The following TLK2 variants were observed in gnomAD, a reference collection of about 807,000 sequenced individuals.
TLK2 encodes the protein serine/threonine-protein kinase tousled-like 2.
In TLK2, 6 loss-of-function variants were observed where a neutral mutation model predicts 117.3. The ratio of observed to expected loss-of-function variants is 0.05; its 90% CI spans 0.03 to 0.10. The LOEUF (loss-of-function observed/expected upper bound fraction) is 0.10. Ranked by LOEUF, TLK2 falls within the 10% of genes least tolerant of loss-of-function variation. The pLI is 1.00. For synonymous variants in TLK2, 257 were observed against 316.7 expected (o/e 0.81, Z 2.00); for missense variants, 299 against 901.2 (o/e 0.33, Z 8.56).
At chr17:62,542,269 A>C (rs138185515) in intron 7 of TLK2, among the ~76,000 whole-genome samples, 3 of 152,176 alleles carry the variant, frequency 2.0e-5, no homozygotes, top group Admixed American at 2.0e-4. Context: ...ATGTCAAATA[A>C]TGTGTTCCTT....
At chr17:62,493,814 A>G (rs184507613) in intron 2 of TLK2, among the ~76,000 whole-genome samples, 3 of 151,878 alleles carry the variant, frequency 2.0e-5, no homozygotes, top group Admixed American at 6.6e-5. Flanking sequence ...CTGGAGTGCA[A>G]TGGCACAACC....
At position 62,481,347 on chromosome 17, in the gene TLK2, TC is replaced by T. The variant is rs144300002; in HGVS notation, c.81+143del. ...GTCTTAATTTCAGTGAACTTTTAGATCCTACTGGTCATTCCAGTAGTCATTT... is the reference window on the plus strand; with the variant it reads ...GTCTTAATTTCAGTGAACTTTTAGATCTACTGGTCATTCCAGTAGTCATTT... On this transcript the variant is annotated intron_variant, in intron 2 of 21. Coordinates refer to ENST00000346027, the MANE Select transcript of TLK2 (RefSeq NM_006852.6). 3.4e-3 allele frequency: 2,758 copies of T among 809,818 alleles called. 49 individuals carry two copies. The African/African-American group carries it at 0.042, about 12-fold the overall frequency. 50.2% of individuals were successfully genotyped at this position (809,818 alleles called of 1,614,324 possible).
chr17:62,605,521 T>TTA (rs2083224226), intron 19 of TLK2, among the ~76,000 whole-genome samples: 2 of 151,930 alleles, frequency 1.3e-5, no homozygotes, highest in Non-Finnish European at 2.9e-5. Flanking sequence ...TACAGGGGTG[T>TTA]GCTACCAGGC....
chr17:62,539,926 C>T (rs1223976225), intron 7 of TLK2, among the ~76,000 whole-genome samples: 2 of 152,152 alleles, frequency 1.3e-5, no homozygotes. Flanking sequence ...TGCCTCCAGT[C>T]ATTTCCTTTC....
intron 2 of TLK2, among the ~76,000 whole-genome samples, chr17:62,507,782 C>G (rs1362598818): frequency 3.3e-5 from 5 of 152,082 alleles, no homozygotes; most frequent in Non-Finnish European, 4.4e-5. Flanking sequence ...TCAACATTTG[C>G]ATCTTAACCT....
chr17:62,589,661 A>G (rs1388024522), intron 16 of TLK2, among the ~76,000 whole-genome samples: 6 of 152,304 alleles, frequency 3.9e-5, no homozygotes, highest in Middle Eastern at 3.4e-3. Context: ...TCTGTACCTC[A>G]ACAAGAGAAA....
At chr17:62,507,253 A>C (rs942130340) in intron 2 of TLK2, 5 of 152,146 alleles carry the variant, frequency 3.3e-5, no homozygotes, top group African/African-American at 1.2e-4. Flanking sequence ...CAGCCTGGGC[A>C]AAAGAGCAAA....
chr17:62,500,802 T>C (rs12940393), intron 2 of TLK2, among the ~76,000 whole-genome samples: 4 of 152,128 alleles, frequency 2.6e-5, no homozygotes, highest in African/African-American at 9.7e-5. Context: ...GAAAAAGATA[T>C]CTGGAAAATC....
chr17:62,582,555 G>C (rs933881192), intron 15 of TLK2, among the ~76,000 whole-genome samples: 4 of 151,894 alleles, frequency 2.6e-5, no homozygotes, highest in African/African-American at 9.7e-5. Context: ...ATTAATGTCT[G>C]CTTTCATTCC....
chr17:62,554,438 C>T (rs1337104187), intron 9 of TLK2, among the ~76,000 whole-genome samples: 1 of 151,954 alleles, frequency 6.6e-6, no homozygotes, highest in East Asian at 1.9e-4. Context: ...AAAACGTTAT[C>T]CTGGTGTGGT....
intron 2 of TLK2, among the ~76,000 whole-genome samples, chr17:62,514,854 C>T (rs886436152): frequency 2.8e-4 from 42 of 152,216 alleles, no homozygotes; most frequent in African/African-American, 9.9e-4. Flanking sequence ...GCTGGGCTTA[C>T]AGGCGTGAGC....
intron 1 of TLK2, among the ~76,000 whole-genome samples, chr17:62,471,776 T>G (rs2070943915): frequency 1.3e-5 from 2 of 151,902 alleles, no homozygotes; most frequent in African/African-American, 4.8e-5. Context: ...CTGCCTGGCC[T>G]TTTGGCAGTT....
At chr17:62,587,732 A>T (rs764439394) in intron 16 of TLK2, among the ~76,000 whole-genome samples, 3 of 152,158 alleles carry the variant, frequency 2.0e-5, no homozygotes, top group Non-Finnish European at 4.4e-5. Flanking sequence ...GAGCAGTTAC[A>T]TTATTATAAG....
chr17:62,548,305 G>A, intron 7 of TLK2, among the ~76,000 whole-genome samples: 1 of 127,326 alleles, frequency 7.9e-6, no homozygotes, highest in Non-Finnish European at 1.7e-5. Context: ...TTTTTGAGCT[G>A]GAGTCTCACT....
rs142864438 is a variant in TLK2, at chr17:62,515,406, A to G, written c.82-5367A>G. 1.3e-3 allele frequency among the ~76,000 whole-genome samples: 198 copies of G among 152,312 alleles called. 1 individual carries two copies. The highest frequency in any genetic ancestry group is 4.6e-3 in the African/African-American group (190 of 41,580). ...TTTTGAGGAACTGCCATAGTTTTCC[A>G]TAGTGGCTATGCCATTTTATATTCC... is the stretch of plus-strand genomic sequence containing the variant. On this transcript the variant is annotated intron_variant, in intron 2 of 21. Coordinates refer to ENST00000346027, the MANE Select transcript of TLK2 (RefSeq NM_006852.6).
At chr17:62,587,633 C>G (rs1368605531) in intron 16 of TLK2, among the ~76,000 whole-genome samples, 1 of 152,186 alleles carries the variant, frequency 6.6e-6, no homozygotes. Flanking sequence ...TTAAGAGCAA[C>G]AGGGCTTAGC....
intron 2 of TLK2, among the ~76,000 whole-genome samples, chr17:62,501,185 C>T (rs2074161470): frequency 6.6e-6 from 1 of 152,048 alleles, no homozygotes; most frequent in African/African-American, 2.4e-5. Context: ...TTGCAGTGAG[C>T]CAAGATCGTG....
At chr17:62,549,520 A>T (rs543009984) in intron 7 of TLK2, among the ~76,000 whole-genome samples, 1 of 150,582 alleles carries the variant, frequency 6.6e-6, no homozygotes, top group African/African-American at 2.4e-5. Flanking sequence ...AAATGCTTGT[A>T]TCCTAGTGCA....
intron 9 of TLK2, among the ~76,000 whole-genome samples, chr17:62,555,740 G>C (rs191327855): frequency 1.2e-3 from 184 of 151,648 alleles, no homozygotes; most frequent in African/African-American, 4.3e-3. Context: ...GCCTCCCAAA[G>C]TGCTGGGATT....
Sources: gnomAD v4.1 joint callset for allele counts (sites outside exome capture counted in the v4.1 genomes callset) on GRCh38, gnomAD v4.1.1 for gene constraint, MANE v1.5 for transcripts, NCBI Gene and HGNC (gene_info 2026-07-23, HGNC 2026-07-21) for gene names.